Variants in ABCA5 observed in about 807,000 individuals in gnomAD.
ABCA5 encodes the protein cholesterol transporter ABCA5.
Under a neutral mutation model 206.0 loss-of-function variants are expected in ABCA5, and 163 were observed. That is an observed-to-expected ratio of 0.79 (90% CI 0.70 to 0.90). The LOEUF (loss-of-function observed/expected upper bound fraction) is 0.90. ABCA5 is among the 40% of genes least tolerant of loss of function. The probability of loss-of-function intolerance (pLI) is 0.00; values close to 1 mark genes in which losing one functional copy is unlikely to be tolerated. For missense variants in ABCA5, 1,859 were observed against 1,912.9 expected, an observed-to-expected ratio of 0.97 and a Z score of 0.53; for synonymous variants, 609 against 613.8, an observed-to-expected ratio of 0.99 and a Z score of 0.11.
chr17:69,312,249 C>A (rs1034578801), intron 3 of ABCA5, among the ~76,000 whole-genome samples: 2 of 152,122 alleles, frequency 1.3e-5, no homozygotes, highest in Non-Finnish European at 2.9e-5. Flanking sequence ...CACTTCACTG[C>A]TTACACTGTT....
At chr17:69,311,249 G>A (rs1472668210) in intron 3 of ABCA5, among the ~76,000 whole-genome samples, 2 of 152,022 alleles carry the variant, frequency 1.3e-5, no homozygotes, top group African/African-American at 4.8e-5. Context: ...TTACTTAAAT[G>A]TTAATTAATA....
Position 69,313,207 on chromosome 17 carries a change from T to G in ABCA5, c.192A>C (p.Ile64=). 1.3e-6 allele frequency: 2 copies of G among 1,567,158 alleles called. No individual in the cohort carries two copies. The highest frequency in any genetic ancestry group is 1.8e-6 in the Non-Finnish European group (2 of 1,138,470). The part of the protein sequence containing the change: ...PNKKYEEVPN[I]ELNPMDKFTL... ...TAAACTTGTCCATAGGATTGAGTTC[T>G]ATATTAGGCACTTCTTCATATTTCT... The change falls in exon 3 of 39, where the codon ATA becomes ATC. Residue 64 remains isoleucine (I), a synonymous_variant. Transcript: ENST00000392676.
chr17:69,303,861 T>TATATACACATAC (rs1555584192), intron 7 of ABCA5, among the ~76,000 whole-genome samples: 2,934 of 59,424 alleles, frequency 0.049, 860 homozygotes, highest in East Asian at 0.33. Flanking sequence ...TATATGTATA[T>TATATACACATAC]ATATATATAC....
chr17:69,250,031 T>C (rs1057133742), intron 36 of ABCA5, 47 bp from the exon 37 acceptor site: 9 of 1,215,868 alleles, frequency 7.4e-6, no homozygotes, highest in South Asian at 1.8e-5. Flanking sequence ...ATTACTACTA[T>C]TATGTTCTAA....
rs2075446930 is a variant in ABCA5 at position 69,285,956 on chromosome 17, T to C, written c.2214A>G (p.Gln738=). 2 of 1,613,314 alleles carry C rather than the reference T, an allele frequency of 1.2e-6. No homozygotes were observed. The highest frequency in any genetic ancestry group is 1.7e-6 in the Non-Finnish European group (2 of 1,179,550). ...TATACACAAGTTGTTGGTCATTCTG[T>C]TGTAATAAAGTAGCTCCAGGTATAT... ...KQHIPGATLL[Q]QNDQQLVYSL... is the part of the protein sequence containing the mutation. Residue 738 remains glutamine, a synonymous_variant, in exon 17 of 39, where the codon CAA becomes CAG. Coordinates refer to ENST00000392676, the MANE Select transcript of ABCA5 (RefSeq NM_172232.4).
chr17:69,299,471 T>TACACACACAC (rs71144671), intron 9 of ABCA5, among the ~76,000 whole-genome samples: 4,716 of 142,374 alleles, frequency 0.033, 102 homozygotes, highest in Middle Eastern at 0.062. Flanking sequence ...CACACACACA[T>TACACACACAC]ACACACACAC....
rs538226512 is a variant in ABCA5, at chr17:69,266,864, T to A, written c.3144+1079A>T. On this transcript the variant is annotated intron_variant, in intron 23 of 38. Coordinates refer to ENST00000392676, the MANE Select transcript of ABCA5 (RefSeq NM_172232.4). ...TTTATTAGAATGTATTTATTTATTT[T>A]ATTTATTTATTTATTTATTTATTTT... Among the ~76,000 whole-genome samples the A allele has an allele frequency of 2.4e-3, 360 of 150,296 alleles. 1 individual carries two copies. The highest frequency in any genetic ancestry group is 4.0e-3 in the Non-Finnish European group (272 of 67,510).
At chr17:69,251,949 G>C (rs777069533) in intron 34 of ABCA5, 83 bp from the exon 35 acceptor site, 18 of 1,414,586 alleles carry the variant, frequency 1.3e-5, no homozygotes, top group Non-Finnish European at 1.5e-5. Context: ...CAACCGGTTG[G>C]TTAATTAAGT....
intron 6 of ABCA5, among the ~76,000 whole-genome samples, chr17:69,305,829 C>T (rs488714): frequency 0.31 from 46,989 of 151,902 alleles, 7,789 homozygotes; most frequent in East Asian, 0.56. Flanking sequence ...CATGATCATG[C>T]CACTATACTC....
Position 69,276,643 on chromosome 17 carries a change from G to A in ABCA5, c.2594+998C>T, listed in dbSNP as rs570596584. Among the ~76,000 whole-genome samples, 48 of 152,178 alleles carry A rather than the reference G, an allele frequency of 3.2e-4. 1 individual carries two copies. The South Asian group carries it at 8.1e-3, about 26-fold the overall frequency. On this transcript the variant is annotated intron_variant, in intron 19 of 38. Transcript: ENST00000392676. ...CACAAGGAGGGGAACATCACACACC[G>A]GGGCCTGTTGGAGGGTTGGGACTGG...
Position 69,270,615 on chromosome 17 carries a change from G to A in ABCA5, c.3028C>T (p.Gln1010Ter). 6.3e-7 allele frequency: 1 copy of A among 1,584,812 alleles called. No individual in the cohort carries two copies. Among genetic ancestry groups the A allele is most frequent in the Non-Finnish European group, 8.5e-7 (1 of 1,169,768 alleles). ...TATCTGTATATACATTGGCTTACTT[G>A]AAAGAATGGGGTACTCCAGATCTGG... The part of the protein sequence containing the change: ...TIQIWSTPFF[Q>*]EITDIVFKIE... Residue 1010 changes from glutamine (Q) to a stop codon, truncating the protein, a stop_gained and splice_region_variant, in exon 22 of 39, where the codon CAA becomes TAA. Transcript: ENST00000392676. LOFTEE classifies it high-confidence loss of function.
intron 1 of ABCA5, 32 bp downstream of exon 1, chr17:69,327,020 A>G (rs962976630): frequency 6.4e-6 from 1 of 157,154 alleles, no homozygotes; most frequent in African/African-American, 2.4e-5. Context: ...GCTAGCCTCA[A>G]GCGCCGCCGC....
chr17:69,304,115 ATTATT>A (rs2075691278), intron 7 of ABCA5: 1 of 151,906 alleles, frequency 6.6e-6, no homozygotes, highest in Non-Finnish European at 1.5e-5. Flanking sequence ...TTTGCAATTT[ATTATT>A]TTAAAGAGCA....
intron 18 of ABCA5, 27 bp from the exon 19 acceptor site, chr17:69,277,869 T>C: frequency 7.0e-7 from 1 of 1,435,158 alleles, no homozygotes; most frequent in South Asian, 1.5e-5. Context: ...AACAAACATT[T>C]CAGTATGTTC....
intron 24 of ABCA5, among the ~76,000 whole-genome samples, chr17:69,262,718 T>C (rs886386253): frequency 1.3e-5 from 2 of 152,192 alleles, no homozygotes; most frequent in East Asian, 1.9e-4. Context: ...TTTGGTAGAA[T>C]GATTTATTTT....
At position 69,254,407 on chromosome 17, in the gene ABCA5, AG is replaced by A. The variant is rs1418764130; in HGVS notation, c.4151del (p.Pro1384LeufsTer21). ...KCMGYCPQIN[P>X]LWPDTTLQEH... is the part of the protein sequence containing the mutation. Reference sequence around the variant, plus strand: ...CCTGCAATGTAGTATCTGGCCACAAAGGGTTTATCTGAGGACAGTAACCCAT... The same window carrying A: ...CCTGCAATGTAGTATCTGGCCACAAAGGTTTATCTGAGGACAGTAACCCAT... On this transcript the variant is annotated frameshift_variant, in exon 32 of 39. Coordinates refer to ENST00000392676, the MANE Select transcript of ABCA5 (RefSeq NM_172232.4). LOFTEE classifies it high-confidence loss of function. 1 of 1,613,792 alleles carries A rather than the reference AG, an allele frequency of 6.2e-7. No individual in the cohort carries two copies. Among genetic ancestry groups the A allele is most frequent in the South Asian group, 1.1e-5 (1 of 91,054 alleles).
intron 11 of ABCA5, among the ~76,000 whole-genome samples, chr17:69,293,093 T>C (rs987355121): frequency 1.3e-5 from 2 of 152,090 alleles, no homozygotes; most frequent in African/African-American, 4.8e-5. Flanking sequence ...TTGTTACAAC[T>C]GGGAGAGGAT....
At chr17:69,252,585 C>T (rs1396020852) in intron 34 of ABCA5, among the ~76,000 whole-genome samples, 2 of 152,036 alleles carry the variant, frequency 1.3e-5, no homozygotes, top group South Asian at 4.1e-4. Flanking sequence ...CCTGTAATCC[C>T]AGCAGTTTGG....
At chr17:69,299,721 G>T (rs930497242) in intron 9 of ABCA5, among the ~76,000 whole-genome samples, 3 of 151,992 alleles carry the variant, frequency 2.0e-5, no homozygotes, top group African/African-American at 7.3e-5. Flanking sequence ...GGGGGTGAGG[G>T]ATAAAAGAAT....
Sources: allele counts gnomAD v4.1 joint callset (sites outside exome capture counted in the v4.1 genomes callset), GRCh38; gene constraint gnomAD v4.1.1; transcripts MANE v1.5; gene names NCBI Gene and HGNC (gene_info 2026-07-23, HGNC 2026-07-21).